The following MEIG1 variants were observed in gnomAD, a reference collection of about 807,000 sequenced individuals.
The protein encoded by MEIG1 is meiosis/spermiogenesis associated 1.
Under a neutral mutation model 11.3 loss-of-function variants are expected in MEIG1, and 12 were observed. The ratio of observed to expected loss-of-function variants is 1.07; its 90% confidence interval spans 0.68 to 1.73. MEIG1 has a LOEUF of 1.73. Ranked by LOEUF, MEIG1 falls within the 40% of genes most tolerant of loss-of-function variation. The pLI, the probability that MEIG1 is intolerant of heterozygous loss-of-function variation, is 0.00. For missense variants in MEIG1, 119 were observed against 104.9 expected, an observed-to-expected ratio of 1.13 and a Z score of -0.59; for synonymous variants, 41 against 33.2, an observed-to-expected ratio of 1.24 and a Z score of -0.81.
downstream of MEIG1, among the ~76,000 whole-genome samples, chr10:14,977,849 A>T (rs1438262693): frequency 1.3e-5 from 2 of 151,966 alleles, no homozygotes; most frequent in Admixed American, 1.3e-4. Context: ...CTAGGGAGGT[A>T]TTCCTTCTAA....
downstream of MEIG1, among the ~76,000 whole-genome samples, chr10:14,975,794 T>G (rs1843203613): frequency 6.6e-6 from 1 of 151,978 alleles, no homozygotes; most frequent in Non-Finnish European, 1.5e-5. Context: ...TCGCATGGGA[T>G]GGACACGCCC....
rs1554806686 is a variant in MEIG1 at position 14,972,588 on chromosome 10, C to A, written c.214C>A (p.Gln72Lys). 1 of 1,613,712 alleles carries A rather than the reference C, an allele frequency of 6.2e-7. No homozygotes were observed. Residue 72 changes from glutamine (Q) to lysine (K), a missense_variant, in exon 3 of 3, where the codon CAG becomes AAG. By Grantham distance (53) the Gln-to-Lys change is moderately conservative. Transcript: ENST00000407572. ...RDNTFYYYNK[Q>K]RECDDKEVHK... ...CAATACGTTCTATTACTACAACAAA[C>A]AGAGGGAATGTGATGACAAAGAAGT...
downstream of MEIG1, among the ~76,000 whole-genome samples, chr10:14,975,282 T>C (rs1843198317): frequency 6.6e-6 from 1 of 152,090 alleles, no homozygotes; most frequent in Admixed American, 6.5e-5. Flanking sequence ...CCCTCTGATA[T>C]TGTTCCTAGT....
Position 14,966,433 on chromosome 10 carries a change from C to A in MEIG1, c.-29-7C>A. On this transcript the variant is annotated splice_polypyrimidine_tract_variant and splice_region_variant and intron_variant, in intron 1 of 2. Coordinates refer to ENST00000407572, the MANE Select transcript of MEIG1 (RefSeq NM_001080836.3). Reference sequence around the variant, plus strand: ...TTATCCATTAATGTTGTTTTAACATCTTTCAGATATTATTGATAATAAGGC... The same window carrying A: ...TTATCCATTAATGTTGTTTTAACATATTTCAGATATTATTGATAATAAGGC... The A allele has an allele frequency of 2.6e-6, 4 of 1,562,372 alleles. No homozygotes were observed. The highest frequency in any genetic ancestry group is 3.5e-6 in the Non-Finnish European group (4 of 1,157,652).
intron 1 of MEIG1, among the ~76,000 whole-genome samples, chr10:14,983,311 G>A (rs898423425): frequency 6.6e-6 from 1 of 152,094 alleles, no homozygotes; most frequent in Non-Finnish European, 1.5e-5. Context: ...CGCAGGAAGT[G>A]CACAACCCTT....
At chr10:14,981,144 G>T (rs937456959) in intron 1 of MEIG1, among the ~76,000 whole-genome samples, 4 of 151,672 alleles carry the variant, frequency 2.6e-5, no homozygotes, top group Non-Finnish European at 5.9e-5. Flanking sequence ...TTGCCTAAGC[G>T]GCTGGGCCCC....
At chr10:14,979,805 ATAT>A (rs1843246687) in intron 1 of MEIG1, among the ~76,000 whole-genome samples, 1 of 152,044 alleles carries the variant, frequency 6.6e-6, no homozygotes, top group East Asian at 1.9e-4. Flanking sequence ...ACACCCTGTG[ATAT>A]TATTCACAAT....
intron 2 of MEIG1, chr10:14,987,345 G>T: frequency 3.8e-6 from 3 of 797,300 alleles, no homozygotes; most frequent in East Asian, 2.5e-5. Context: ...GACAGGGACA[G>T]GGACAGGGAC....
At chr10:14,976,615 G>T (rs960198471), downstream of MEIG1, among the ~76,000 whole-genome samples, 6 of 151,998 alleles carry the variant, frequency 3.9e-5, no homozygotes, top group Admixed American at 2.6e-4. Flanking sequence ...CTATTCTAGG[G>T]AAATGTGACT....
At chr10:14,984,560 C>A (rs559688533) in intron 1 of MEIG1, among the ~76,000 whole-genome samples, 3 of 152,068 alleles carry the variant, frequency 2.0e-5, no homozygotes, top group South Asian at 4.1e-4. Context: ...TATTGTCACA[C>A]GGGGAAGTTT....
chr10:14,972,754 T>C lies in MEIG1; in HGVS notation c.*113T>C. ...TCAAGATGCAGTCTGCAGTTTAATG[T>C]TTTGTGAAACACAAAAGCCATGAGA... On this transcript the variant is annotated 3_prime_UTR_variant, in exon 3 of 3. Coordinates refer to ENST00000407572, the MANE Select transcript of MEIG1 (RefSeq NM_001080836.3). The C allele has an allele frequency of 9.1e-7, 1 of 1,092,906 alleles. No homozygotes were observed. Among genetic ancestry groups the C allele is most frequent in the Non-Finnish European group, 1.3e-6 (1 of 784,794 alleles). 67.7% of individuals were successfully genotyped at this position (1,092,906 alleles called of 1,614,324 possible).
At chr10:14,981,198 T>C (rs1843259281) in intron 1 of MEIG1, among the ~76,000 whole-genome samples, 1 of 148,926 alleles carries the variant, frequency 6.7e-6, no homozygotes, top group Non-Finnish European at 1.5e-5. Flanking sequence ...CCGCCCGTAC[T>C]CTTGGCCACC....
chr10:14,977,105 T>C (rs1180738313), downstream of MEIG1, among the ~76,000 whole-genome samples: 2 of 152,086 alleles, frequency 1.3e-5, no homozygotes, highest in African/African-American at 4.8e-5. Context: ...ATATTATTCA[T>C]GATATTGTAG....
At chr10:14,965,496 G>T (rs1244537220) in intron 1 of MEIG1, among the ~76,000 whole-genome samples, 1 of 152,150 alleles carries the variant, frequency 6.6e-6, no homozygotes, top group Non-Finnish European at 1.5e-5. Context: ...CATGGAATCT[G>T]TGTTAGGCCA....
downstream of MEIG1, among the ~76,000 whole-genome samples, chr10:14,973,748 C>A (rs12413560): frequency 0.66 from 92,394 of 139,580 alleles, 30,598 homozygotes; most frequent in Admixed American, 0.69. Context: ...CCAGCCTGGG[C>A]GACAGAGGGA....
chr10:14,971,792 G>A (rs754952977), intron 2 of MEIG1, among the ~76,000 whole-genome samples: 21 of 152,102 alleles, frequency 1.4e-4, no homozygotes, highest in Non-Finnish European at 1.0e-4. Flanking sequence ...GGAATGTTTT[G>A]TCTTATCTTG....
chr10:14,978,949 A>C (rs1843237945), intron 1 of MEIG1, among the ~76,000 whole-genome samples: 1 of 151,944 alleles, frequency 6.6e-6, no homozygotes, highest in Admixed American at 6.6e-5. Flanking sequence ...ACACCCTGTA[A>C]TGTTATGGGT....
upstream of MEIG1, among the ~76,000 whole-genome samples, chr10:14,956,531 G>A (rs150580974): frequency 1.1e-3 from 160 of 152,216 alleles, no homozygotes; most frequent in Non-Finnish European, 2.0e-3. Context: ...GCACTGAGCC[G>A]AGATTGGACC....
chr10:14,982,877 C>A (rs1589215872), intron 1 of MEIG1, among the ~76,000 whole-genome samples: 4 of 151,920 alleles, frequency 2.6e-5, no homozygotes, highest in South Asian at 4.2e-4. Context: ...ATTAATGATG[C>A]CTGGTATTAA....
Sources: allele counts gnomAD v4.1 joint callset (sites outside exome capture counted in the v4.1 genomes callset), GRCh38; gene constraint gnomAD v4.1.1; transcripts MANE v1.5; gene names NCBI Gene and HGNC (gene_info 2026-07-23, HGNC 2026-07-21).